The following MDN1 variants were observed in gnomAD, a reference collection of about 807,000 sequenced individuals.
The protein encoded by MDN1 is midasin.
Under a neutral mutation model 669.2 loss-of-function variants are expected in MDN1, and 266 were observed. The ratio of observed to expected loss-of-function variants is 0.40; its 90% confidence interval spans 0.36 to 0.44. The LOEUF is 0.44. Ranked by LOEUF, MDN1 falls within the 20% of genes least tolerant of loss-of-function variation. The pLI, the probability that MDN1 is intolerant of heterozygous loss-of-function variation, is 1.00. For missense variants in MDN1, 5,940 were observed against 6,754.0 expected (o/e 0.88, Z 4.22); for synonymous variants, 2,385 against 2,457.1 (o/e 0.97, Z 0.87).
chr6:89,650,326 T>C, intron 96 of MDN1, 128 bp from the exon 97 acceptor site: 1 of 863,352 alleles, frequency 1.2e-6, no homozygotes, highest in East Asian at 2.7e-5. Flanking sequence ...CACAATGAAG[T>C]GTTTCTGTCA....
Position 89,656,687 on chromosome 6 carries a change from G to C in MDN1, c.15285+13C>G. ...CTGCCTTCACCTAAGTTTAGCTGAG[G>C]AGTGATAGAAACCTGTGTGTTTTTC... On this transcript the variant is annotated intron_variant, in intron 91 of 101. Transcript: ENST00000369393. 1 of 1,591,222 alleles carries C rather than the reference G, an allele frequency of 6.3e-7. No individual in the cohort carries two copies. Among genetic ancestry groups the C allele is most frequent in the South Asian group, 1.1e-5 (1 of 89,008 alleles).
At chr6:89,705,516 T>A (rs980219861) in intron 53 of MDN1, among the ~76,000 whole-genome samples, 5 of 151,680 alleles carry the variant, frequency 3.3e-5, no homozygotes, top group Non-Finnish European at 7.4e-5. Flanking sequence ...GGTGAGCGAA[T>A]AAAAAAACTG....
intron 1 of MDN1, among the ~76,000 whole-genome samples, chr6:89,809,009 G>C (rs1233378326): frequency 1.3e-5 from 2 of 151,862 alleles, no homozygotes; most frequent in Non-Finnish European, 2.9e-5. Flanking sequence ...CTAAGCTCAG[G>C]AGTTTGAGAC....
Position 89,643,391 on chromosome 6 carries a change from T to C in MDN1, c.*614A>G, listed in dbSNP as rs1808286287. On this transcript the variant is annotated 3_prime_UTR_variant, in exon 102 of 102. Transcript: ENST00000369393. ...TTTTACACAGCCCAAGGATCGTTTT[T>C]ATAGATGACCTGGGCACCTATAATG... 1 of 152,226 alleles carries C rather than the reference T, an allele frequency of 6.6e-6. No individual in the cohort carries two copies. The highest frequency in any genetic ancestry group is 1.5e-5 in the Non-Finnish European group (1 of 68,048). 9.4% of individuals were successfully genotyped at this position (152,226 alleles called of 1,614,324 possible). A position where few individuals can be genotyped will look rare whatever the true frequency, so the allele number is the denominator to read the frequency against.
In MDN1 at chr6:89,642,674, G is replaced by GTAA. The variant is rs1357386550; in HGVS notation, c.*1330_*1331insTTA. 6.6e-6 allele frequency: 1 copy of GTAA among 152,230 alleles called. No individual in the cohort carries two copies. Among genetic ancestry groups the GTAA allele is most frequent in the African/African-American group, 2.4e-5 (1 of 41,454 alleles). 9.4% of individuals were successfully genotyped at this position (152,230 alleles called of 1,614,324 possible). On this transcript the variant is annotated 3_prime_UTR_variant, in exon 102 of 102. Coordinates refer to ENST00000369393, the MANE Select transcript of MDN1 (RefSeq NM_014611.3). ...AGTAGGAGGGGATCATGTTAGCACA[G>GTAA]CATCAACTAGTAACAGCTGACTGAC...
intron 32 of MDN1, among the ~76,000 whole-genome samples, chr6:89,739,988 G>C (rs1816197398): frequency 6.6e-6 from 1 of 152,150 alleles, no homozygotes; most frequent in South Asian, 2.1e-4. Flanking sequence ...TAAAGGGCTA[G>C]GCAAAGTGAC....
Position 89,819,497 on chromosome 6 carries a change from AC to A in MDN1, c.102+8del. ...GTTCCGGCGCTTTCCCTCTCCCTTC[AC>A]GTCTTACCTGCTTGGCCAAGAACCT... On this transcript the variant is annotated splice_region_variant and intron_variant, in intron 1 of 101. Coordinates refer to ENST00000369393, the MANE Select transcript of MDN1 (RefSeq NM_014611.3). 6.2e-7 allele frequency: 1 copy of A among 1,604,212 alleles called. No individual in the cohort carries two copies. The highest frequency in any genetic ancestry group is 8.5e-7 in the Non-Finnish European group (1 of 1,179,290).
At chr6:89,689,747 A>C in intron 65 of MDN1, 123 bp downstream of exon 65, 1 of 1,183,922 alleles carries the variant, frequency 8.4e-7, no homozygotes, top group Middle Eastern at 2.9e-4. Flanking sequence ...AAGCCAAGGA[A>C]ACTCCAATAA....
At chr6:89,704,539 G>A (rs748019179) in intron 53 of MDN1, among the ~76,000 whole-genome samples, 3 of 152,190 alleles carry the variant, frequency 2.0e-5, no homozygotes, top group Non-Finnish European at 2.9e-5. Context: ...CAGTGCACGA[G>A]CTATAAACTA....
At chr6:89,648,990 A>G (rs1404721127) in intron 97 of MDN1, among the ~76,000 whole-genome samples, 2 of 78,274 alleles carry the variant, frequency 2.6e-5, no homozygotes, top group East Asian at 5.4e-4. Flanking sequence ...CCCTGTCTTT[A>G]AAAAAAAAAA....
At chr6:89,713,094 C>T in intron 47 of MDN1, 54 bp downstream of exon 47, 2 of 1,562,534 alleles carry the variant, frequency 1.3e-6, no homozygotes, top group South Asian at 1.2e-5. Flanking sequence ...TTTCCTCGTA[C>T]TCAAGAATGT....
chr6:89,690,734 G>A lies in MDN1; in HGVS notation c.10688C>T (p.Ala3563Val). The A allele has an allele frequency of 1.2e-6, 2 of 1,614,110 alleles. No individual in the cohort carries two copies. The highest frequency in any genetic ancestry group is 1.7e-6 in the Non-Finnish European group (2 of 1,180,020). Reference protein sequence around the residue: ...YRYRSRNSRTALSEEEEEERE... With the variant: ...YRYRSRNSRTVLSEEEEEERE... ...TTCTTCCTCCTCCTCTTCACTCAGG[G>A]CTGTCCTAGAGTTCCTGCTCCTGTA... The change falls in exon 64 of 102, where the codon GCC becomes GTC. Residue 3563 changes from alanine to valine, a missense_variant. Ala to Val is a moderately conservative substitution (Grantham distance 64). This residue lies in a region of MDN1 where 2,280 missense variants were observed against 2,576.3 expected (regional missense o/e 0.88). Transcript: ENST00000369393.
intron 37 of MDN1, among the ~76,000 whole-genome samples, chr6:89,727,554 C>A (rs1034775522): frequency 6.6e-6 from 1 of 152,100 alleles, no homozygotes; most frequent in South Asian, 2.1e-4. Flanking sequence ...AAACGGCAAG[C>A]CTGTCAGAGA....
chr6:89,700,600 T>C (rs1407491531), intron 56 of MDN1, 46 bp downstream of exon 56: 1 of 1,576,938 alleles, frequency 6.3e-7, no homozygotes, highest in African/African-American at 1.4e-5. Flanking sequence ...AGCAAGAGGA[T>C]ATTTTCAGAG....
rs890924767 is a variant in MDN1, at chr6:89,670,392, G to A, written c.13956+527C>T. 2.6e-5 allele frequency among the ~76,000 whole-genome samples: 4 copies of A among 151,162 alleles called. No individual in the cohort carries two copies. The East Asian group carries it at 7.9e-4, about 30-fold the overall frequency. ...GTTTCATCATAATATTGGTCAGGCT[G>A]GTCTCAAATTCCTGACCTCAGGTGA... On this transcript the variant is annotated intron_variant, in intron 83 of 101. Transcript: ENST00000369393.
Position 89,718,583 on chromosome 6 carries a change from C to T in MDN1, c.6366G>A (p.Glu2122=), listed in dbSNP as rs1264372034. The T allele has an allele frequency of 1.2e-6, 2 of 1,614,180 alleles. No homozygotes were observed. The highest frequency in any genetic ancestry group is 1.7e-6 in the Non-Finnish European group (2 of 1,180,020). Reference sequence around the variant, plus strand: ...CCCTTAACAGTGCCCTTACAGTTCCCTCCACCTTCTCTAGCAGCCTCCTCC... The same window carrying T: ...CCCTTAACAGTGCCCTTACAGTTCCTTCCACCTTCTCTAGCAGCCTCCTCC... ...RPWRRLLEKV[E]GTVRALLRDS... is the part of the protein sequence containing the mutation. The change falls in exon 43 of 102, where the codon GAG becomes GAA. Residue 2122 remains glutamate, a synonymous_variant. Transcript: ENST00000369393.
At position 89,753,520 on chromosome 6, in the gene MDN1, G is replaced by A. The variant is rs2128319257; in HGVS notation, c.3067C>T (p.Leu1023=). 2 of 1,607,404 alleles carry A rather than the reference G, an allele frequency of 1.2e-6. No individual in the cohort carries two copies. Among genetic ancestry groups the A allele is most frequent in the Admixed American group, 3.3e-5 (2 of 59,956 alleles). Residue 1023 remains leucine (L), a synonymous_variant, in exon 22 of 102, where the codon CTG becomes TTG. Coordinates refer to ENST00000369393, the MANE Select transcript of MDN1 (RefSeq NM_014611.3). ...HIVPGNVKSL[L]KQPIPEPKGG... ...ATAACAAAAGAACATACCTGCTTCA[G>A]CAGACTCTTGACATTGCCAGGGACA...
At position 89,749,260 on chromosome 6, in the gene MDN1, T is replaced by C. The variant is rs116229207; in HGVS notation, c.3725A>G (p.Tyr1242Cys). Residue 1242 changes from tyrosine (Y) to cysteine (C), a missense_variant, in exon 26 of 102, where the codon TAT becomes TGT. Transcript: ENST00000369393. Reference sequence around the variant, plus strand: ...CATGACTTTAACCAACTTGCTGCAATAGGAGGGTGGCAAACTACACCGCTT... The same window carrying C: ...CATGACTTTAACCAACTTGCTGCAACAGGAGGGTGGCAAACTACACCGCTT... Reference protein sequence around the residue: ...LHKRCSLPPSYCSKLVKVMLD... With the variant: ...LHKRCSLPPSCCSKLVKVMLD... The C allele has an allele frequency of 2.6e-3, 4,182 of 1,613,994 alleles. 15 individuals carry two copies. Among genetic ancestry groups the C allele is most frequent in the Middle Eastern group, 4.6e-3 (28 of 6,062 alleles).
intron 35 of MDN1, 118 bp from the exon 36 acceptor site, chr6:89,729,257 G>T: frequency 1.3e-6 from 1 of 758,132 alleles, no homozygotes; most frequent in Non-Finnish European, 2.1e-6. Flanking sequence ...AATACCATTT[G>T]CAGTGAAAAT....
Sources: allele counts gnomAD v4.1 joint callset (sites outside exome capture counted in the v4.1 genomes callset), GRCh38; gene constraint gnomAD v4.1.1; regional missense constraint gnomAD v4.1.1; transcripts MANE v1.5; gene names NCBI Gene and HGNC (gene_info 2026-07-23, HGNC 2026-07-21).